The following SH3RF1 variants were observed in gnomAD, a reference collection of about 807,000 sequenced individuals.
SH3RF1 encodes SH3 domain containing ring finger 1.
SH3RF1 carries 32 observed loss-of-function variants against 74.0 expected under a neutral mutation model. The observed-to-expected ratio is 0.43, with a 90% CI of 0.33 to 0.58. SH3RF1 has a LOEUF of 0.58. Ranked by LOEUF, SH3RF1 falls within the 20% of genes least tolerant of loss-of-function variation. The pLI, the probability that SH3RF1 is intolerant of heterozygous loss-of-function variation, is 0.05. For synonymous variants in SH3RF1, 396 were observed against 439.6 expected (o/e 0.90, Z 1.24); for missense variants, 954 against 1,130.9 (o/e 0.84, Z 2.24).
intron 2 of SH3RF1, among the ~76,000 whole-genome samples, chr4:169,167,936 A>C (rs1734273221): frequency 6.6e-6 from 1 of 152,180 alleles, no homozygotes; most frequent in Non-Finnish European, 1.5e-5. Flanking sequence ...TGGGAGTTCA[A>C]GATCAGCCTA....
At chr4:169,267,460 C>T (rs1203226189) in intron 2 of SH3RF1, among the ~76,000 whole-genome samples, 1 of 152,118 alleles carries the variant, frequency 6.6e-6, no homozygotes, top group Admixed American at 6.5e-5. Context: ...TAAGTAAACT[C>T]CATAAAATAA....
chr4:169,130,797 T>C (rs138618951), intron 5 of SH3RF1, among the ~76,000 whole-genome samples: 2 of 152,326 alleles, frequency 1.3e-5, no homozygotes, highest in Non-Finnish European at 2.9e-5. Context: ...TAGAAAGAAA[T>C]TGAGTTATTC....
intron 11 of SH3RF1, among the ~76,000 whole-genome samples, chr4:169,106,529 G>A (rs1733141720): frequency 6.6e-6 from 1 of 151,274 alleles, no homozygotes; most frequent in Non-Finnish European, 1.5e-5. Flanking sequence ...CAACGGAATA[G>A]AAATAAGAAA....
chr4:169,243,887 A>G (rs1730952764), intron 2 of SH3RF1, among the ~76,000 whole-genome samples: 1 of 152,238 alleles, frequency 6.6e-6, no homozygotes, highest in African/African-American at 2.4e-5. Flanking sequence ...TGACTACAGT[A>G]AACTTGTATT....
intron 2 of SH3RF1, among the ~76,000 whole-genome samples, chr4:169,253,812 A>G (rs1021249352): frequency 1.3e-5 from 2 of 152,244 alleles, no homozygotes; most frequent in East Asian, 1.9e-4. Flanking sequence ...GCCAATTCCT[A>G]TTAGATCAAT....
intron 2 of SH3RF1, among the ~76,000 whole-genome samples, chr4:169,210,933 C>T (rs1033870426): frequency 1.3e-5 from 2 of 152,188 alleles, no homozygotes; most frequent in African/African-American, 4.8e-5. Flanking sequence ...TTGTTCTTTA[C>T]ACAATTTAGC....
intron 2 of SH3RF1, among the ~76,000 whole-genome samples, chr4:169,199,417 ACC>A (rs1331501987): frequency 6.6e-6 from 1 of 152,162 alleles, no homozygotes; most frequent in Admixed American, 6.6e-5. Context: ...TTGTGGCTTC[ACC>A]AACCATTAGG....
intron 6 of SH3RF1, among the ~76,000 whole-genome samples, chr4:169,126,566 G>A (rs1381102512): frequency 6.6e-6 from 1 of 152,106 alleles, no homozygotes; most frequent in Non-Finnish European, 1.5e-5. Flanking sequence ...ATACAAACAT[G>A]TATGTGTATA....
chr4:169,160,886 T>C lies in SH3RF1; in HGVS notation c.394-4207A>G, dbSNP rs181776555. ...AAAGATAAAGCCAAAACAATTGGTT[T>C]GATAGCCTAGGACTACTCTGTGGAT... On this transcript the variant is annotated intron_variant, in intron 2 of 11. Transcript: ENST00000284637. Among the ~76,000 whole-genome samples, 655 of 152,348 alleles carry C rather than the reference T, an allele frequency of 4.3e-3. 2 individuals carry two copies. Among genetic ancestry groups the C allele is most frequent in the Non-Finnish European group, 7.5e-3 (511 of 68,030 alleles).
chr4:169,200,112 T>C (rs1734884726), intron 2 of SH3RF1, among the ~76,000 whole-genome samples: 1 of 152,156 alleles, frequency 6.6e-6, no homozygotes, highest in South Asian at 2.1e-4. Flanking sequence ...GAAAGTATAC[T>C]AATTCCATAT....
chr4:169,139,565 A>G (rs1217231122), intron 4 of SH3RF1, among the ~76,000 whole-genome samples: 2 of 152,148 alleles, frequency 1.3e-5, no homozygotes, highest in African/African-American at 4.8e-5. Context: ...CTTCCAATAG[A>G]CAGTGGCTAT....
intron 11 of SH3RF1, among the ~76,000 whole-genome samples, 164 bp downstream of exon 11, chr4:169,106,683 T>C (rs1388334114): frequency 6.6e-6 from 1 of 151,800 alleles, no homozygotes; most frequent in Non-Finnish European, 1.5e-5. Context: ...GAAAACAGAG[T>C]ATGTCATGTC....
Position 169,122,282 on chromosome 4 carries a change from CAT to C in SH3RF1, c.1180-18_1180-17del, listed in dbSNP as rs1466065992. ...GATTCAAAGTCTAGTATAGGAAAAACATAAAGAGAAAGGGAAAAAAGGGAACA... is the reference window on the plus strand; with the variant it reads ...GATTCAAAGTCTAGTATAGGAAAAACAAAGAGAAAGGGAAAAAAGGGAACA... On this transcript the variant is annotated splice_polypyrimidine_tract_variant and intron_variant, in intron 6 of 11. Transcript: ENST00000284637. The C allele has an allele frequency of 1.3e-6, 2 of 1,558,638 alleles. No homozygotes were observed. The highest frequency in any genetic ancestry group is 1.9e-5 in the Admixed American group (1 of 51,532).
chr4:169,234,112 A>G (rs1432197109), intron 2 of SH3RF1, among the ~76,000 whole-genome samples: 1 of 152,038 alleles, frequency 6.6e-6, no homozygotes, highest in Admixed American at 6.6e-5. Context: ...CCTCATACAA[A>G]TTATTCTAGA....
chr4:169,179,818 T>C (rs558322237), intron 2 of SH3RF1, among the ~76,000 whole-genome samples: 2 of 152,364 alleles, frequency 1.3e-5, no homozygotes, highest in South Asian at 2.1e-4. Context: ...TTGAAACAGC[T>C]GGTTGGACTT....
chr4:169,205,459 T>C (rs1730238847), intron 2 of SH3RF1, among the ~76,000 whole-genome samples: 1 of 152,224 alleles, frequency 6.6e-6, no homozygotes, highest in South Asian at 2.1e-4. Context: ...TATTAATAAC[T>C]GATTTTGTAA....
chr4:169,166,812 G>T, intron 2 of SH3RF1: 1 of 263,300 alleles, frequency 3.8e-6, no homozygotes, highest in East Asian at 8.9e-5. Flanking sequence ...GTCCTCAATT[G>T]AGTTCCTCTA....
At chr4:169,102,601 T>C (rs757385665) in intron 11 of SH3RF1, among the ~76,000 whole-genome samples, 14 of 152,118 alleles carry the variant, frequency 9.2e-5, no homozygotes, top group Non-Finnish European at 2.1e-4. Flanking sequence ...CTTTCCACTT[T>C]CTCTTTGCAA....
At chr4:169,129,253 G>A (rs1733573578) in intron 6 of SH3RF1, among the ~76,000 whole-genome samples, 1 of 152,226 alleles carries the variant, frequency 6.6e-6, no homozygotes, top group South Asian at 2.1e-4. Context: ...ATAAGCCAAA[G>A]CTTTGGCCTG....
Sources: gnomAD v4.1 joint callset for allele counts (sites outside exome capture counted in the v4.1 genomes callset) on GRCh38, gnomAD v4.1.1 for gene constraint, MANE v1.5 for transcripts, NCBI Gene and HGNC (gene_info 2026-07-23, HGNC 2026-07-21) for gene names.